The following INTS4 variants were observed in gnomAD, a reference collection of about 807,000 sequenced individuals.
INTS4 encodes the protein integrator complex subunit 4.
Under a neutral mutation model 119.5 loss-of-function variants are expected in INTS4, and 70 were observed. The ratio of observed to expected loss-of-function variants is 0.59; its 90% CI spans 0.48 to 0.71. The LOEUF is 0.71. Ranked by LOEUF, INTS4 falls within the 30% of genes least tolerant of loss-of-function variation. The probability of loss-of-function intolerance (pLI) is 0.00; values close to 1 mark genes in which losing one functional copy is unlikely to be tolerated. For missense variants in INTS4, 867 were observed against 1,173.2 expected (o/e 0.74, Z 3.81); for synonymous variants, 316 against 419.6 (o/e 0.75, Z 3.02).
chr11:77,967,497 G>A (rs1216997817), intron 4 of INTS4, among the ~76,000 whole-genome samples: 1 of 152,148 alleles, frequency 6.6e-6, no homozygotes, highest in African/African-American at 2.4e-5. Flanking sequence ...AGCCCTTACA[G>A]AGGTATATCC....
intron 15 of INTS4, among the ~76,000 whole-genome samples, chr11:77,909,265 T>C (rs371344928): frequency 2.0e-5 from 3 of 152,222 alleles, no homozygotes; most frequent in African/African-American, 7.2e-5. Context: ...TCATACCATA[T>C]CTCCAATTTC....
At chr11:77,984,637 T>A (rs975057721) in intron 2 of INTS4, among the ~76,000 whole-genome samples, 32 of 152,056 alleles carry the variant, frequency 2.1e-4, no homozygotes, top group Non-Finnish European at 8.8e-5. Flanking sequence ...GATGGCTGCA[T>A]AACAATATGA....
At chr11:77,878,642 A>T, downstream of INTS4, 1 of 625,068 alleles carries the variant, frequency 1.6e-6, no homozygotes, top group Non-Finnish European at 2.8e-6. Flanking sequence ...ACACCTGAGG[A>T]ATAGCATGTA....
At chr11:77,943,729 A>G (rs1953983394) in intron 8 of INTS4, among the ~76,000 whole-genome samples, 1 of 152,154 alleles carries the variant, frequency 6.6e-6, no homozygotes. Flanking sequence ...CTTACTTAAC[A>G]CTGAGAAAAC....
chr11:77,902,398 T>C (rs1206252339), intron 17 of INTS4, among the ~76,000 whole-genome samples: 1 of 152,244 alleles, frequency 6.6e-6, no homozygotes, highest in Non-Finnish European at 1.5e-5. Context: ...TATCGGGTTC[T>C]AGTCATTAAA....
chr11:77,981,411 A>T (rs752232915), intron 3 of INTS4, 48 bp downstream of exon 3: 1 of 891,292 alleles, frequency 1.1e-6, no homozygotes, highest in South Asian at 2.3e-5. Context: ...ATACAAAAAG[A>T]ACTAAATATT....
At chr11:77,960,082 T>C (rs1954428660) in intron 6 of INTS4, among the ~76,000 whole-genome samples, 1 of 152,128 alleles carries the variant, frequency 6.6e-6, no homozygotes, top group Admixed American at 6.6e-5. Flanking sequence ...ACACTTTTCT[T>C]CAGGTACTCT....
chr11:77,910,862 T>C, intron 15 of INTS4: 1 of 434,312 alleles, frequency 2.3e-6, no homozygotes. Flanking sequence ...AATGTGAGTG[T>C]GTGTGTGTTT....
At chr11:77,928,306 G>T in intron 11 of INTS4, 36 bp downstream of exon 11, 20 of 1,606,046 alleles carry the variant, frequency 1.2e-5, no homozygotes, top group Non-Finnish European at 1.5e-5. Flanking sequence ...GGGGGGTGAG[G>T]GATGAAGAAA....
At chr11:77,945,237 C>A (rs1954020469) in intron 8 of INTS4, among the ~76,000 whole-genome samples, 1 of 152,204 alleles carries the variant, frequency 6.6e-6, no homozygotes, top group Admixed American at 6.5e-5. Flanking sequence ...GCCACAGGCA[C>A]CAGCAATTCT....
intron 6 of INTS4, 147 bp downstream of exon 6, chr11:77,960,194 T>C: frequency 5.4e-6 from 3 of 559,448 alleles, no homozygotes; most frequent in Non-Finnish European, 9.9e-6. Context: ...AAAGTATGTT[T>C]TGAATATGAC....
intron 4 of INTS4, among the ~76,000 whole-genome samples, chr11:77,969,438 T>G (rs1435579537): frequency 6.6e-6 from 1 of 152,158 alleles, no homozygotes; most frequent in African/African-American, 2.4e-5. Flanking sequence ...TGGAACGCAG[T>G]GATGTCATCA....
downstream of INTS4, among the ~76,000 whole-genome samples, chr11:77,875,316 G>A (rs1252781471): frequency 2.0e-5 from 3 of 152,168 alleles, no homozygotes; most frequent in Non-Finnish European, 4.4e-5. Context: ...AATAAGGCGT[G>A]TAAACATTAC....
chr11:77,898,945 G>A (rs1451547777), intron 18 of INTS4, among the ~76,000 whole-genome samples: 5 of 152,090 alleles, frequency 3.3e-5, no homozygotes, highest in African/African-American at 7.2e-5. Context: ...GCTTGGACCC[G>A]GGAACCAGAG....
intron 7 of INTS4, among the ~76,000 whole-genome samples, chr11:77,956,396 G>A (rs934397097): frequency 6.6e-6 from 1 of 152,220 alleles, no homozygotes; most frequent in Non-Finnish European, 1.5e-5. Flanking sequence ...GGATGACACA[G>A]CAAGACCCTG....
intron 10 of INTS4, among the ~76,000 whole-genome samples, chr11:77,930,631 C>T (rs1953622553): frequency 6.6e-6 from 1 of 152,134 alleles, no homozygotes; most frequent in South Asian, 2.1e-4. Context: ...TTTTACTTTG[C>T]CTGAACGGCC....
Position 77,991,203 on chromosome 11 carries a change from C to T in INTS4, c.151G>A (p.Asp51Asn). ...IDLCKATSPADALQYLLQFAR... is the reference protein window; with the variant it reads ...IDLCKATSPANALQYLLQFAR... ...AACTGGAGCAAGTATTGCAAAGCATCTGCTGGGGAGGTAGCTTTACACAGA... is the reference window on the plus strand; with the variant it reads ...AACTGGAGCAAGTATTGCAAAGCATTTGCTGGGGAGGTAGCTTTACACAGA... The change falls in exon 2 of 23, where the codon GAT becomes AAT. Residue 51 changes from aspartate to asparagine, a missense_variant. Asp to Asn is a conservative substitution (Grantham distance 23). This residue lies in a region of INTS4 where 224 missense variants were observed against 231.8 expected (regional missense o/e 0.97). Transcript: ENST00000534064. The T allele has an allele frequency of 6.2e-7, 1 of 1,614,194 alleles. No homozygotes were observed. Among genetic ancestry groups the T allele is most frequent in the Non-Finnish European group, 8.5e-7 (1 of 1,180,018 alleles).
chr11:77,899,089 T>C (rs1018808675), intron 18 of INTS4, among the ~76,000 whole-genome samples: 3 of 152,042 alleles, frequency 2.0e-5, no homozygotes, highest in Non-Finnish European at 4.4e-5. Context: ...AATAACCCTG[T>C]GAGGAAGAGA....
At position 77,938,663 on chromosome 11, in the gene INTS4, C is replaced by T. The variant is rs1953858335; in HGVS notation, c.1153G>A (p.Asp385Asn). 3.1e-6 allele frequency: 5 copies of T among 1,611,130 alleles called. No individual in the cohort carries two copies. The East Asian group carries it at 6.7e-5, about 22-fold the overall frequency. ...ACGAFVHGLEDEMYEVRIAAV... is the reference protein window; with the variant it reads ...ACGAFVHGLENEMYEVRIAAV... Reference sequence around the variant, plus strand: ...CAGTCATACTTACCATACATCTCATCTTCCAACCCATGAACAAAAGCTCCA... The same window carrying T: ...CAGTCATACTTACCATACATCTCATTTTCCAACCCATGAACAAAAGCTCCA... The change falls in exon 10 of 23, where the codon GAT (aspartate) becomes AAT (asparagine). Residue 385 changes from aspartate (D) to asparagine (N), a missense_variant. By Grantham distance (23) the Asp-to-Asn change is conservative. Transcript: ENST00000534064.
Sources: gnomAD v4.1 joint callset for allele counts (sites outside exome capture counted in the v4.1 genomes callset) on GRCh38, gnomAD v4.1.1 for gene constraint, gnomAD v4.1.1 regional missense constraint, MANE v1.5 for transcripts, NCBI Gene and HGNC (gene_info 2026-07-23, HGNC 2026-07-21) for gene names.